Variants in PABPC4L observed in about 807,000 individuals in gnomAD.
PABPC4L encodes poly(A) binding protein cytoplasmic 4 like.
For missense variants in PABPC4L, 452 were observed against 451.4 expected (o/e 1.00, Z -0.01); for synonymous variants, 169 against 164.1 (o/e 1.03, Z -0.23).
At chr4:133,957,673 G>A in the PABPC4L span, among the ~76,000 whole-genome samples, 2 of 152,332 alleles carry the variant, frequency 1.3e-5, no homozygotes, top group East Asian at 1.9e-4. Flanking sequence ...CACCCCAGCA[G>A]TAAACTTTTC....
the PABPC4L span, among the ~76,000 whole-genome samples, chr4:134,065,515 A>C: frequency 6.6e-6 from 1 of 151,982 alleles, no homozygotes. Flanking sequence ...TAAGTAAATT[A>C]AACAAATTTA....
the PABPC4L span, among the ~76,000 whole-genome samples, chr4:134,164,248 G>A: frequency 9.1e-6 from 1 of 110,038 alleles, no homozygotes; most frequent in Admixed American, 1.2e-4. Context: ...GGGCGACAGA[G>A]CGAGACTCCG....
the PABPC4L span, among the ~76,000 whole-genome samples, chr4:134,191,299 A>G: frequency 6.6e-6 from 1 of 152,112 alleles, no homozygotes; most frequent in African/African-American, 2.4e-5. Flanking sequence ...CGGAAAATTA[A>G]AAAGGAAATA....
At chr4:133,988,278 T>C in the PABPC4L span, among the ~76,000 whole-genome samples, 1 of 152,178 alleles carries the variant, frequency 6.6e-6, no homozygotes, top group Non-Finnish European at 1.5e-5. Context: ...TCAGCATTAA[T>C]TGAAAATATC....
At chr4:133,960,372 G>C in the PABPC4L span, among the ~76,000 whole-genome samples, 1 of 152,164 alleles carries the variant, frequency 6.6e-6, no homozygotes, top group African/African-American at 2.4e-5. Context: ...ACAATTTAGA[G>C]AGCCAAGCAA....
At chr4:134,167,407 C>G in the PABPC4L span, among the ~76,000 whole-genome samples, 5 of 151,464 alleles carry the variant, frequency 3.3e-5, no homozygotes, top group African/African-American at 1.2e-4. Flanking sequence ...AAATAGAAAA[C>G]AAAGCAATAA....
the PABPC4L span, among the ~76,000 whole-genome samples, chr4:134,139,472 C>CAAG: frequency 1.3e-5 from 2 of 151,852 alleles, no homozygotes; most frequent in African/African-American, 4.8e-5. Context: ...AAAAGGTAGT[C>CAAG]ACAAACAGCT....
the PABPC4L span, among the ~76,000 whole-genome samples, chr4:134,042,726 A>C: frequency 1.3e-5 from 2 of 152,168 alleles, no homozygotes; most frequent in Non-Finnish European, 2.9e-5. Flanking sequence ...TGATTCTGAC[A>C]TACCAGACTT....
the PABPC4L span, among the ~76,000 whole-genome samples, chr4:134,023,094 A>G: frequency 6.6e-6 from 1 of 152,036 alleles, no homozygotes; most frequent in Non-Finnish European, 1.5e-5. Flanking sequence ...CTGTTATCAG[A>G]AGCAGCAATA....
the PABPC4L span, among the ~76,000 whole-genome samples, chr4:134,098,032 TC>T: frequency 1.3e-5 from 2 of 151,808 alleles, no homozygotes; most frequent in African/African-American, 4.8e-5. Context: ...TTCTGATTCC[TC>T]TTTAAGACCT....
chr4:133,949,685 T>C, the PABPC4L span, among the ~76,000 whole-genome samples: 1 of 152,182 alleles, frequency 6.6e-6, no homozygotes, highest in African/African-American at 2.4e-5. Flanking sequence ...GTTAGGGACC[T>C]TCCCAGTTTG....
At chr4:134,110,511 A>G in the PABPC4L span, among the ~76,000 whole-genome samples, 14 of 151,674 alleles carry the variant, frequency 9.2e-5, no homozygotes, top group African/African-American at 3.1e-4. Flanking sequence ...AAGTACAATA[A>G]AATCCCCCAA....
the PABPC4L span, among the ~76,000 whole-genome samples, chr4:133,996,913 G>T: frequency 1.3e-5 from 2 of 151,940 alleles, no homozygotes; most frequent in Non-Finnish European, 2.9e-5. Context: ...ATCAAAGGTT[G>T]GTTTCTAGAG....
the PABPC4L span, among the ~76,000 whole-genome samples, chr4:134,131,056 C>G: frequency 6.6e-6 from 1 of 152,134 alleles, no homozygotes; most frequent in East Asian, 1.9e-4. Flanking sequence ...GTAATAAAAG[C>G]TATCTATGAC....
chr4:134,157,248 T>C, the PABPC4L span, among the ~76,000 whole-genome samples: 1 of 151,476 alleles, frequency 6.6e-6, no homozygotes, highest in Non-Finnish European at 1.5e-5. Context: ...TTATTCAAAA[T>C]TCACAGAATG....
At chr4:134,065,808 A>G in the PABPC4L span, among the ~76,000 whole-genome samples, 3 of 152,102 alleles carry the variant, frequency 2.0e-5, no homozygotes, top group Non-Finnish European at 4.4e-5. Flanking sequence ...GGTGTAAGGA[A>G]GGGATCCGGT....
chr4:133,957,211 T>C, the PABPC4L span, among the ~76,000 whole-genome samples: 1 of 152,164 alleles, frequency 6.6e-6, no homozygotes. Flanking sequence ...ACTTCCTAGA[T>C]ACAATGGCAG....
Position 134,198,349 on chromosome 4 carries a change from T to C in PABPC4L, c.*1558A>G, listed in dbSNP as rs946482778. 2 of 151,714 alleles carry C rather than the reference T, an allele frequency of 1.3e-5. No homozygotes were observed. The highest frequency in any genetic ancestry group is 4.8e-5 in the African/African-American group (2 of 41,438). The allele number at this position is 151,714 out of a possible 1,614,324, so 9.4% of individuals were successfully genotyped here. On this transcript the variant is annotated 3_prime_UTR_variant, in exon 2 of 2. Transcript: ENST00000421491. The stretch of plus-strand genomic sequence containing the variant: ...GCAAATTCTTTTAATTTTTTCATTG[T>C]CCATAATTTTTTATGGACTAAAAGA...
the PABPC4L span, among the ~76,000 whole-genome samples, chr4:134,141,679 T>C: frequency 3.3e-5 from 5 of 151,608 alleles, no homozygotes; most frequent in African/African-American, 1.2e-4. Flanking sequence ...CAAAATTCAC[T>C]GCACAAATCC....
Sources: allele counts gnomAD v4.1 joint callset (sites outside exome capture counted in the v4.1 genomes callset), GRCh38; gene constraint gnomAD v4.1.1; transcripts MANE v1.5; gene names NCBI Gene and HGNC (gene_info 2026-07-23, HGNC 2026-07-21).